The following EPG5 variants were observed in gnomAD, a reference collection of about 807,000 sequenced individuals.
EPG5 encodes the protein ectopic P-granules 5 autophagy tethering factor.
Under a neutral mutation model 302.7 loss-of-function variants are expected in EPG5, and 159 were observed. The ratio of observed to expected loss-of-function variants is 0.53; its 90% confidence interval spans 0.46 to 0.60. The LOEUF (loss-of-function observed/expected upper bound fraction) is 0.60, where lower values mean the gene tolerates loss of function less well. Among genes scored for constraint, EPG5 ranks in the 20% least tolerant of loss-of-function variants. The pLI, the probability that EPG5 is intolerant of heterozygous loss-of-function variation, is 0.00. For synonymous variants in EPG5, 1,158 were observed against 1,136.8 expected (o/e 1.02, Z -0.37); for missense variants, 2,896 against 3,092.4 (o/e 0.94, Z 1.51).
intron 2 of EPG5, chr18:45,953,780 A>G (rs1433755016): frequency 5.8e-5 from 57 of 985,222 alleles, no homozygotes; most frequent in Admixed American, 1.8e-4. Context: ...TCCTGGAGCT[A>G]GGAATCAGTT....
the EPG5 span, among the ~76,000 whole-genome samples, chr18:45,824,467 A>G: frequency 6.6e-6 from 1 of 152,218 alleles, no homozygotes; most frequent in African/African-American, 2.4e-5. Context: ...CAGCCTCCCA[A>G]CATGCTGGGA....
intron 30 of EPG5, among the ~76,000 whole-genome samples, chr18:45,883,182 C>T (rs552584122): frequency 6.0e-4 from 92 of 152,226 alleles, no homozygotes; most frequent in African/African-American, 2.1e-3. Context: ...TACTGTTCCT[C>T]AGAGTCTCAT....
chr18:45,930,585 C>G, intron 12 of EPG5, 91 bp downstream of exon 12: 2 of 1,091,030 alleles, frequency 1.8e-6, no homozygotes, highest in Non-Finnish European at 2.6e-6. Context: ...AAATAAGTCA[C>G]AATTTGTAAA....
At position 45,857,599 on chromosome 18, in the gene EPG5, A is replaced by G. The variant is rs1171047166; in HGVS notation, c.7442+254T>C. ...TGCAGTTAGGTTACAAAGTCCAAAC[A>G]CAACAGGAGATACTATTAAAAATAC... On this transcript the variant is annotated intron_variant, in intron 42 of 43. Coordinates refer to ENST00000282041, the MANE Select transcript of EPG5 (RefSeq NM_020964.3). 7 of 412,694 alleles carry G rather than the reference A, an allele frequency of 1.7e-5. No homozygotes were observed. In the South Asian group the frequency reaches 2.3e-4, roughly 13 times the overall value. The allele number at this position is 412,694 out of a possible 1,614,324, so 25.6% of individuals were successfully genotyped here.
At chr18:45,888,629 G>A (rs576167426) in intron 28 of EPG5, among the ~76,000 whole-genome samples, 1 of 151,854 alleles carries the variant, frequency 6.6e-6, no homozygotes, top group East Asian at 1.9e-4. Context: ...TAATAGAGAT[G>A]GGGTTTCACC....
In EPG5 at chr18:45,851,610, T is replaced by C. The variant is rs1000385487; in HGVS notation, c.*857A>G. 3.3e-5 allele frequency: 5 copies of C among 152,178 alleles called. No individual in the cohort carries two copies. Among genetic ancestry groups the C allele is most frequent in the African/African-American group, 1.2e-4 (5 of 41,442 alleles). The allele number at this position is 152,178 out of a possible 1,614,324, so 9.4% of individuals were successfully genotyped here. ...TGAGCCTTTCAGATATCGAACATGGTGTCTATCAAAGGGTGCAAACTTAGG... is the reference window on the plus strand; with the variant it reads ...TGAGCCTTTCAGATATCGAACATGGCGTCTATCAAAGGGTGCAAACTTAGG... On this transcript the variant is annotated 3_prime_UTR_variant, in exon 44 of 44. Transcript: ENST00000282041.
chr18:45,933,171 G>C (rs1406672142), intron 11 of EPG5, among the ~76,000 whole-genome samples: 2 of 152,126 alleles, frequency 1.3e-5, no homozygotes, highest in Non-Finnish European at 2.9e-5. Flanking sequence ...CTCTCACCTA[G>C]CTCACTCGTA....
At chr18:45,839,030 C>A in the EPG5 span, 221 of 1,572,668 alleles carry the variant, frequency 1.4e-4, no homozygotes, top group Non-Finnish European at 1.9e-4. Context: ...CTGCTCGGCG[C>A]TCTCGGCTTC....
the EPG5 span, among the ~76,000 whole-genome samples, chr18:45,813,619 C>T: frequency 4.6e-5 from 7 of 152,194 alleles, no homozygotes; most frequent in South Asian, 6.2e-4. Context: ...TTTGTAGGGA[C>T]GTGGATAAAG....
chr18:45,904,378 C>G (rs968405125), intron 24 of EPG5, among the ~76,000 whole-genome samples: 2 of 151,972 alleles, frequency 1.3e-5, no homozygotes, highest in African/African-American at 4.8e-5. Flanking sequence ...TATACATACA[C>G]TATAAAGCTA....
chr18:45,917,077 A>G (rs1341305499), intron 17 of EPG5, among the ~76,000 whole-genome samples: 2 of 152,168 alleles, frequency 1.3e-5, no homozygotes, highest in East Asian at 1.9e-4. Flanking sequence ...AATTGGAGAC[A>G]TACTGCTTGA....
chr18:45,948,372 G>T, intron 6 of EPG5, 131 bp downstream of exon 6: 2 of 716,886 alleles, frequency 2.8e-6, no homozygotes, highest in Non-Finnish European at 4.7e-6. Flanking sequence ...AAGAAAATCT[G>T]CAATGTTAAA....
Position 45,949,531 on chromosome 18 carries a change from G to C in EPG5, c.1450C>G (p.Leu484Val). 6.2e-7 allele frequency: 1 copy of C among 1,613,204 alleles called. No individual in the cohort carries two copies. The highest frequency in any genetic ancestry group is 8.5e-7 in the Non-Finnish European group (1 of 1,179,468). The change falls in exon 5 of 44, where the codon CTT (leucine) becomes GTT (valine). Residue 484 changes from leucine (L) to valine (V), a missense_variant. By Grantham distance (32) the Leu-to-Val change is conservative. Coordinates refer to ENST00000282041, the MANE Select transcript of EPG5 (RefSeq NM_020964.3). ...TTACTAACACCAGCGGGGCATCGAA[G>C]AATATGGTTTAGAAGGAAGAGGTGA... ...GDHLFLLNHI[L>V]RCPAGVSKWA...
intron 7 of EPG5, among the ~76,000 whole-genome samples, chr18:45,945,671 T>C (rs2145922879): frequency 6.6e-6 from 1 of 152,116 alleles, no homozygotes; most frequent in East Asian, 1.9e-4. Flanking sequence ...GAAAGACCAC[T>C]CTAAAAAAAA....
At chr18:45,863,370 T>G (rs1443810470) in intron 39 of EPG5, among the ~76,000 whole-genome samples, 1 of 152,228 alleles carries the variant, frequency 6.6e-6, no homozygotes, top group Non-Finnish European at 1.5e-5. Flanking sequence ...GGACTGAACA[T>G]ACTTTGGACA....
chr18:45,927,290 C>T (rs1158391244), intron 13 of EPG5, among the ~76,000 whole-genome samples: 1 of 152,164 alleles, frequency 6.6e-6, no homozygotes, highest in Non-Finnish European at 1.5e-5. Flanking sequence ...CCACCCGCCT[C>T]GGCCTCCCGA....
At chr18:45,845,216 T>C (rs72916299), downstream of EPG5, among the ~76,000 whole-genome samples, 2,949 of 152,302 alleles carry the variant, frequency 0.019, 55 homozygotes, top group Non-Finnish European at 0.029. Flanking sequence ...TCTGCGGTAC[T>C]TGCATTTTGA....
intron 24 of EPG5, among the ~76,000 whole-genome samples, 169 bp from the exon 25 acceptor site, chr18:45,904,286 C>G (rs886918214): frequency 6.6e-6 from 1 of 152,276 alleles, no homozygotes; most frequent in South Asian, 2.1e-4. Flanking sequence ...CTAACAATCC[C>G]TGCAGTAGCT....
At chr18:45,840,194 T>C in the EPG5 span, 3 of 1,613,012 alleles carry the variant, frequency 1.9e-6, no homozygotes, top group Non-Finnish European at 2.5e-6. Context: ...CCTGCTCTCT[T>C]GCTGTCCCTC....
Sources: allele counts gnomAD v4.1 joint callset (sites outside exome capture counted in the v4.1 genomes callset), GRCh38; gene constraint gnomAD v4.1.1; transcripts MANE v1.5; gene names NCBI Gene and HGNC (gene_info 2026-07-23, HGNC 2026-07-21).